SOHLH2: variants seen among roughly 807,000 people sequenced by gnomAD.
SOHLH2 encodes the protein spermatogenesis- and oogenesis-specific basic helix-loop-helix-containing protein 2.
A neutral mutation model predicts 50.4 loss-of-function variants in SOHLH2; 22 were observed. The observed-to-expected ratio is 0.44, with a 90% CI of 0.31 to 0.62. The LOEUF (loss-of-function observed/expected upper bound fraction) is 0.62. SOHLH2 is among the 20% of genes least tolerant of loss of function. SOHLH2 has a pLI of 0.08. For missense variants in SOHLH2, 412 were observed against 504.4 expected, an observed-to-expected ratio of 0.82 and a Z score of 1.76; for synonymous variants, 185 against 187.3, an observed-to-expected ratio of 0.99 and a Z score of 0.10.
chr13:36,196,192 C>A (rs1300318803), intron 2 of SOHLH2, among the ~76,000 whole-genome samples: 1 of 142,960 alleles, frequency 7.0e-6, no homozygotes, highest in African/African-American at 2.6e-5. Flanking sequence ...GTGGCGTGGT[C>A]AAGGCTCACT....
At chr13:36,212,430 A>G (rs1312935468) in intron 1 of SOHLH2, among the ~76,000 whole-genome samples, 1 of 152,250 alleles carries the variant, frequency 6.6e-6, no homozygotes, top group Non-Finnish European at 1.5e-5. Context: ...TATAATCAAC[A>G]TAAATCTGAA....
At chr13:36,196,428 G>A (rs1247116053) in intron 2 of SOHLH2, among the ~76,000 whole-genome samples, 3 of 151,962 alleles carry the variant, frequency 2.0e-5, no homozygotes, top group Non-Finnish European at 4.4e-5. Flanking sequence ...GCCTAGCCTC[G>A]TATACATATT....
chr13:36,213,586 T>G (rs1271141479), intron 1 of SOHLH2, among the ~76,000 whole-genome samples: 1 of 152,122 alleles, frequency 6.6e-6, no homozygotes, highest in Non-Finnish European at 1.5e-5. Context: ...TTCCTCCTAG[T>G]GGGGTAATCA....
intron 10 of SOHLH2, 74 bp downstream of exon 10, chr13:36,170,457 C>T (rs908361932): frequency 2.0e-6 from 3 of 1,527,914 alleles, no homozygotes; most frequent in Non-Finnish European, 2.6e-6. Flanking sequence ...GTAGCAACAA[C>T]AAATGCAGGT....
chr13:36,200,013 A>T (rs1002793308), intron 2 of SOHLH2, among the ~76,000 whole-genome samples: 3 of 152,200 alleles, frequency 2.0e-5, no homozygotes, highest in Non-Finnish European at 4.4e-5. Context: ...AAGTCAATTA[A>T]TTACAGACTT....
intron 2 of SOHLH2, among the ~76,000 whole-genome samples, chr13:36,194,304 A>G (rs1887660105): frequency 1.3e-5 from 2 of 152,192 alleles, no homozygotes; most frequent in Admixed American, 1.3e-4. Flanking sequence ...AAAAAAAATC[A>G]TAAGGATAAG....
intron 2 of SOHLH2, among the ~76,000 whole-genome samples, chr13:36,201,454 C>T (rs1868409797): frequency 6.7e-6 from 1 of 149,152 alleles, no homozygotes; most frequent in South Asian, 2.1e-4. Flanking sequence ...TGTACATAGA[C>T]TCTCCCCATG....
intron 1 of SOHLH2, among the ~76,000 whole-genome samples, chr13:36,208,850 A>C (rs1365891200): frequency 6.6e-6 from 1 of 152,220 alleles, no homozygotes; most frequent in Non-Finnish European, 1.5e-5. Flanking sequence ...AATACTTATA[A>C]GGTCAAAATC....
intron 2 of SOHLH2, 132 bp downstream of exon 2, chr13:36,201,747 C>G (rs9546658): frequency 0.6 from 800,997 of 1,344,438 alleles, 239,950 homozygotes; most frequent in East Asian, 0.69. Context: ...CAGGATTACA[C>G]GCATGAGCCA....
chr13:36,204,462 T>C (rs542004183), intron 1 of SOHLH2, among the ~76,000 whole-genome samples: 1 of 152,330 alleles, frequency 6.6e-6, no homozygotes, highest in African/African-American at 2.4e-5. Flanking sequence ...TATTTGGTGA[T>C]GAATATGAGG....
At chr13:36,211,685 T>C (rs1387499085) in intron 1 of SOHLH2, among the ~76,000 whole-genome samples, 1 of 152,244 alleles carries the variant, frequency 6.6e-6, no homozygotes, top group Non-Finnish European at 1.5e-5. Context: ...AATAAGACAC[T>C]TAAGTGACCC....
chr13:36,173,951 G>T, intron 8 of SOHLH2, 141 bp from the exon 9 acceptor site: 1 of 936,850 alleles, frequency 1.1e-6, no homozygotes, highest in Non-Finnish European at 1.6e-6. Context: ...TATGAGCAAA[G>T]ACACATGACC....
intron 10 of SOHLH2, among the ~76,000 whole-genome samples, chr13:36,170,083 T>A (rs978274194): frequency 1.3e-5 from 2 of 152,218 alleles, no homozygotes; most frequent in African/African-American, 4.8e-5. Flanking sequence ...ACCTGGTATC[T>A]GAAATCAGCC....
At chr13:36,202,849 G>C (rs752354902) in intron 1 of SOHLH2, among the ~76,000 whole-genome samples, 72 of 152,224 alleles carry the variant, frequency 4.7e-4, no homozygotes, top group Non-Finnish European at 8.8e-4. Flanking sequence ...TTGAAGCTAA[G>C]AGTGAGGGAA....
intron 1 of SOHLH2, among the ~76,000 whole-genome samples, chr13:36,203,265 G>A (rs1469108256): frequency 6.6e-6 from 1 of 152,098 alleles, no homozygotes; most frequent in Non-Finnish European, 1.5e-5. Flanking sequence ...GAAGTGAGTT[G>A]CTTTTTTCAT....
Position 36,206,362 on chromosome 13 carries a change from C to A in SOHLH2, c.49-4269G>T, listed in dbSNP as rs143481178. On this transcript the variant is annotated intron_variant, in intron 1 of 10. Coordinates refer to ENST00000379881, the MANE Select transcript of SOHLH2 (RefSeq NM_017826.3). ...CACACATTTTTATATATAGTGAGTTCATGTTCATTCATTGCTAATTAGTTT... is the reference window on the plus strand; with the variant it reads ...CACACATTTTTATATATAGTGAGTTAATGTTCATTCATTGCTAATTAGTTT... Among the ~76,000 whole-genome samples, 9 of 152,092 alleles carry A rather than the reference C, an allele frequency of 5.9e-5. No individual in the cohort carries two copies. The East Asian group carries it at 9.7e-4, about 16-fold the overall frequency.
chr13:36,194,512 A>G (rs934556717), intron 2 of SOHLH2, among the ~76,000 whole-genome samples: 1 of 152,188 alleles, frequency 6.6e-6, no homozygotes, highest in Non-Finnish European at 1.5e-5. Context: ...GTGGGAAGGT[A>G]GGGAGAAACA....
chr13:36,198,128 G>A (rs986168483), intron 2 of SOHLH2, among the ~76,000 whole-genome samples: 3 of 152,200 alleles, frequency 2.0e-5, no homozygotes, highest in African/African-American at 7.2e-5. Context: ...ACATGGGGAA[G>A]AAATGAAATC....
chr13:36,172,360 G>A (rs577813955), intron 9 of SOHLH2, among the ~76,000 whole-genome samples: 61 of 152,114 alleles, frequency 4.0e-4, no homozygotes, highest in Non-Finnish European at 5.7e-4. Flanking sequence ...GCTACTTATG[G>A]CAATTTTTTT....
Sources: gnomAD v4.1 joint callset for allele counts (sites outside exome capture counted in the v4.1 genomes callset) on GRCh38, gnomAD v4.1.1 for gene constraint, MANE v1.5 for transcripts, NCBI Gene and HGNC (gene_info 2026-07-23, HGNC 2026-07-21) for gene names.